The following HEXIM2 variants were observed in gnomAD, a reference collection of about 807,000 sequenced individuals.
HEXIM2 encodes protein HEXIM2.
For synonymous variants in HEXIM2, 159 were observed against 162.7 expected, an observed-to-expected ratio of 0.98 and a Z score of 0.17; for missense variants, 413 against 390.8, an observed-to-expected ratio of 1.06 and a Z score of -0.48.
rs2042979991 is a variant in HEXIM2, at chr17:45,169,791, TGAG to T, written c.847_849del (p.Glu283del). On this transcript the variant is annotated inframe_deletion, in exon 4 of 4. Transcript: ENST00000589230. The stretch of plus-strand genomic sequence containing the variant: ...GGAACCGAGAGGGCTGCCGCTGTGA[TGAG>T]GAGCCGGGTACCTAGGGGTGCCTCC... The T allele has an allele frequency of 2.1e-6, 3 of 1,444,144 alleles. No individual in the cohort carries two copies. The highest frequency in any genetic ancestry group is 2.5e-5 in the East Asian group (1 of 39,942). 89.5% of individuals were successfully genotyped at this position (1,444,144 alleles called of 1,614,324 possible).
At chr17:45,161,291 C>T (rs2042677877), upstream of HEXIM2, 1 of 309,214 alleles carries the variant, frequency 3.2e-6, no homozygotes, top group Non-Finnish European at 6.6e-6. Context: ...GGCGAGGCTG[C>T]GGGGCTGCCG....
chr17:45,168,828 G>A, intron 3 of HEXIM2, 187 bp from the exon 4 acceptor site: 1 of 644,944 alleles, frequency 1.6e-6, no homozygotes. Flanking sequence ...GTTTACTTGG[G>A]GAAGGTTGGG....
At position 45,162,635 on chromosome 17, in the gene HEXIM2, G is replaced by A. The variant is rs576128386; in HGVS notation, c.-45G>A. 8 of 1,500,414 alleles carry A rather than the reference G, an allele frequency of 5.3e-6. No homozygotes were observed. The highest frequency in any genetic ancestry group is 2.4e-4 in the Middle Eastern group (1 of 4,212). 92.9% of individuals were successfully genotyped at this position (1,500,414 alleles called of 1,614,324 possible). On this transcript the variant is annotated splice_region_variant and 5_prime_UTR_variant, in exon 2 of 4. Transcript: ENST00000589230. ...TTCGGGGCCTGCATTTGAGAATAAG[G>A]GTATGAAGGGCTGGGGTACAAAATG...
upstream of HEXIM2, chr17:45,160,739 G>C: frequency 2.4e-6 from 1 of 416,552 alleles, no homozygotes; most frequent in Non-Finnish European, 4.8e-6. Flanking sequence ...CGACATGCTA[G>C]GTCAGGTTGT....
chr17:45,163,901 T>G (rs924575107), intron 3 of HEXIM2, among the ~76,000 whole-genome samples: 2 of 151,714 alleles, frequency 1.3e-5, no homozygotes, highest in Admixed American at 6.6e-5. Flanking sequence ...ACGCCTGTAA[T>G]CCTAGCACTT....
At chr17:45,161,128 G>T (rs1244276704), upstream of HEXIM2, 4 of 420,998 alleles carry the variant, frequency 9.5e-6, no homozygotes, top group Admixed American at 1.1e-4. Flanking sequence ...TACCCAGGCC[G>T]AATGGGGGTG....
chr17:45,169,303 A>T lies in HEXIM2; in HGVS notation c.355A>T (p.Arg119Trp). The T allele has an allele frequency of 2.5e-6, 4 of 1,613,816 alleles. No homozygotes were observed. Among genetic ancestry groups the T allele is most frequent in the Non-Finnish European group, 3.4e-6 (4 of 1,180,004 alleles). The change falls in exon 4 of 4, where the codon AGG (arginine) becomes TGG (tryptophan). Residue 119 changes from arginine to tryptophan, a missense_variant. Transcript: ENST00000589230. ...SWAEKQQRDERQSQRASRVRE... is the reference protein window; with the variant it reads ...SWAEKQQRDEWQSQRASRVRE... Reference sequence around the variant, plus strand: ...GGCTGAGAAACAACAGCGGGATGAGAGGCAGAGCCAGAGGGCCTCCCGGGT... The same window carrying T: ...GGCTGAGAAACAACAGCGGGATGAGTGGCAGAGCCAGAGGGCCTCCCGGGT...
upstream of HEXIM2, chr17:45,161,273 CTG>C (rs913920897): frequency 2.1e-5 from 7 of 326,434 alleles, no homozygotes; most frequent in Non-Finnish European, 3.7e-5. Flanking sequence ...ACCCCGCACT[CTG>C]TGAGAGGCGA....
rs749146624 is a variant in HEXIM2, at chr17:45,162,793, G to A, written c.-1G>A. 3.7e-6 allele frequency: 6 copies of A among 1,613,982 alleles called. No individual in the cohort carries two copies. Among genetic ancestry groups the A allele is most frequent in the African/African-American group, 1.3e-5 (1 of 75,034 alleles). ...GTCTGCTGAAAGATTTGGAACAGAA[G>A]ATGATGGCCACTCCGAACCAGACCG... On this transcript the variant is annotated 5_prime_UTR_variant, in exon 3 of 4. Coordinates refer to ENST00000589230, the MANE Select transcript of HEXIM2 (RefSeq NM_001303441.2).
chr17:45,162,514 G>A lies in HEXIM2; in HGVS notation c.-166G>A. On this transcript the variant is annotated 5_prime_UTR_variant, in exon 2 of 4. It adds an upstream start codon to the 5' untranslated region. Transcript: ENST00000589230. ...AGGACAGTACAGGACATGAGTCCTGGTGAGGGACCCGAGGAGCAGGACAGA... is the reference window on the plus strand; with the variant it reads ...AGGACAGTACAGGACATGAGTCCTGATGAGGGACCCGAGGAGCAGGACAGA... The A allele has an allele frequency of 1.6e-6, 2 of 1,285,038 alleles. No individual in the cohort carries two copies. The highest frequency in any genetic ancestry group is 2.0e-6 in the Non-Finnish European group (2 of 1,005,364). 79.6% of individuals were successfully genotyped at this position (1,285,038 alleles called of 1,614,324 possible). A position where few individuals can be genotyped will look rare whatever the true frequency, so the allele number is the denominator to read the frequency against.
At chr17:45,161,579 T>G (rs1598125727), upstream of HEXIM2, 2 of 158,518 alleles carry the variant, frequency 1.3e-5, no homozygotes, top group South Asian at 3.3e-4. Flanking sequence ...CCCGCCCACC[T>G]TAGCCGGATC....
upstream of HEXIM2, chr17:45,161,088 G>A (rs1015090802): frequency 1.8e-6 from 1 of 571,284 alleles, no homozygotes; most frequent in Non-Finnish European, 3.0e-6. Flanking sequence ...AGTCGAAGTG[G>A]GAGTCCCTCT....
chr17:45,160,751 C>T (rs2042662083), upstream of HEXIM2: 1 of 437,090 alleles, frequency 2.3e-6, no homozygotes, highest in South Asian at 1.7e-5. Flanking sequence ...TCAGGTTGTC[C>T]GGAGAATCGG....
chr17:45,162,749 G>A lies in HEXIM2; in HGVS notation c.-44-1G>A, dbSNP rs1359385115. 1 of 1,613,290 alleles carries A rather than the reference G, an allele frequency of 6.2e-7. No homozygotes were observed. The highest frequency in any genetic ancestry group is 2.2e-5 in the East Asian group (1 of 44,880). ...TAGGTTTCTGTTGTTGTTCAAAGCAGGTGTCACTAGTTCCAGGCGTCTGCT... is the reference window on the plus strand; with the variant it reads ...TAGGTTTCTGTTGTTGTTCAAAGCAAGTGTCACTAGTTCCAGGCGTCTGCT... On this transcript the variant is annotated splice_acceptor_variant, in intron 2 of 3. Transcript: ENST00000589230. LOFTEE classifies it low-confidence loss of function (5UTR_SPLICE).
At chr17:45,166,584 T>C (rs1185657663) in intron 3 of HEXIM2, among the ~76,000 whole-genome samples, 1 of 152,182 alleles carries the variant, frequency 6.6e-6, no homozygotes, top group African/African-American at 2.4e-5. Flanking sequence ...GGAAGACAGA[T>C]GTTAAATGGC....
intron 3 of HEXIM2, among the ~76,000 whole-genome samples, chr17:45,163,811 T>C (rs1473309168): frequency 6.6e-6 from 1 of 152,050 alleles, no homozygotes; most frequent in African/African-American, 2.4e-5. Context: ...ATCACACCAC[T>C]GCACTTTAGC....
At position 45,169,670 on chromosome 17, in the gene HEXIM2, C is replaced by T. The variant is rs975794007; in HGVS notation, c.722C>T (p.Thr241Ile). Residue 241 changes from threonine (T) to isoleucine (I), a missense_variant, in exon 4 of 4, where the codon ACC becomes ATC. Coordinates refer to ENST00000589230, the MANE Select transcript of HEXIM2 (RefSeq NM_001303441.2). Reference protein sequence around the residue: ...TRRLQQLQACTGQQSCRQVEE... With the variant: ...TRRLQQLQACIGQQSCRQVEE... ...AGGCTGCAGCAGCTGCAGGCGTGCA[C>T]CGGCCAGCAGTCCTGCCGCCAGGTG... 2.0e-6 allele frequency: 3 copies of T among 1,533,668 alleles called. No individual in the cohort carries two copies. Among genetic ancestry groups the T allele is most frequent in the Middle Eastern group, 1.7e-4 (1 of 5,882 alleles).
chr17:45,169,389 G>C lies in HEXIM2; in HGVS notation c.441G>C (p.Leu147=). The C allele has an allele frequency of 1.2e-6, 2 of 1,613,988 alleles. No homozygotes were observed. Among genetic ancestry groups the C allele is most frequent in the Non-Finnish European group, 1.7e-6 (2 of 1,180,004 alleles). Residue 147 remains leucine (L), a synonymous_variant, in exon 4 of 4, where the codon CTG becomes CTC. Coordinates refer to ENST00000589230, the MANE Select transcript of HEXIM2 (RefSeq NM_001303441.2). ...PVAPYNTTQF[L]MNDRDPEEPN... is the part of the protein sequence containing the mutation. ...CCCCCTACAACACCACCCAGTTCCT[G>C]ATGAATGACAGGGACCCGGAGGAGC...
Position 45,169,937 on chromosome 17 carries a change from C to A in HEXIM2, c.*128C>A. On this transcript the variant is annotated 3_prime_UTR_variant, in exon 4 of 4. Coordinates refer to ENST00000589230, the MANE Select transcript of HEXIM2 (RefSeq NM_001303441.2). ...AACACCCTGTGCGCCCTGAGAACAG[C>A]TAAATCGGTTCAGACTCCCACCTCA... is the stretch of plus-strand genomic sequence containing the variant. The A allele has an allele frequency of 1.4e-6, 1 of 716,624 alleles. No individual in the cohort carries two copies. Among genetic ancestry groups the A allele is most frequent in the Non-Finnish European group, 2.1e-6 (1 of 473,636 alleles). 44.4% of individuals were successfully genotyped at this position (716,624 alleles called of 1,614,324 possible).
Sources: gnomAD v4.1 joint callset for allele counts (sites outside exome capture counted in the v4.1 genomes callset) on GRCh38, gnomAD v4.1.1 for gene constraint, MANE v1.5 for transcripts, NCBI Gene and HGNC (gene_info 2026-07-23, HGNC 2026-07-21) for gene names.